CAMSAP1: variants seen among roughly 807,000 people sequenced by gnomAD.
The protein encoded by CAMSAP1 is calmodulin regulated spectrin associated protein 1, also known as calmodulin-regulated spectrin-associated protein 1.
Under a neutral mutation model 143.5 loss-of-function variants are expected in CAMSAP1, and 58 were observed. The observed-to-expected ratio is 0.40, with a 90% CI of 0.33 to 0.50. The LOEUF is 0.50. CAMSAP1 is among the 20% of genes least tolerant of loss of function. CAMSAP1 has a pLI of 0.45. For missense variants in CAMSAP1, 1,969 were observed against 2,115.7 expected (o/e 0.93, Z 1.36); for synonymous variants, 945 against 859.3 (o/e 1.10, Z -1.74).
intron 16 of CAMSAP1, among the ~76,000 whole-genome samples, chr9:135,812,747 T>C (rs1410369251): frequency 6.6e-6 from 1 of 152,170 alleles, no homozygotes; most frequent in East Asian, 1.9e-4. Flanking sequence ...GGTGGGCGAA[T>C]CACTTGAGGT....
chr9:135,892,197 C>T (rs1208292967), intron 1 of CAMSAP1, among the ~76,000 whole-genome samples: 2 of 152,100 alleles, frequency 1.3e-5, no homozygotes, highest in African/African-American at 2.4e-5. Flanking sequence ...TCAAAGAAAA[C>T]CGTGTGCAGA....
intron 7 of CAMSAP1, among the ~76,000 whole-genome samples, chr9:135,848,251 C>G (rs1447014646): frequency 1.3e-5 from 2 of 151,806 alleles, no homozygotes; most frequent in East Asian, 3.9e-4. Context: ...CAAGGTCACC[C>G]GTGAGGAAGC....
chr9:135,904,122 C>T (rs1838695704), intron 1 of CAMSAP1, among the ~76,000 whole-genome samples: 1 of 152,234 alleles, frequency 6.6e-6, no homozygotes, highest in African/African-American at 2.4e-5. Flanking sequence ...AATCCTAGCA[C>T]TTTGGGAGGC....
At chr9:135,889,235 C>A (rs1838220215) in intron 1 of CAMSAP1, among the ~76,000 whole-genome samples, 1 of 152,194 alleles carries the variant, frequency 6.6e-6, no homozygotes. Context: ...GGCCTGCAGT[C>A]TCGACGTAAC....
intron 1 of CAMSAP1, among the ~76,000 whole-genome samples, chr9:135,900,213 A>G (rs1838575671): frequency 6.6e-6 from 1 of 151,886 alleles, no homozygotes; most frequent in Admixed American, 6.6e-5. Context: ...CTTTGTAGAG[A>G]CAGTCTCACT....
At chr9:135,830,903 G>A (rs1835837931) in intron 7 of CAMSAP1, among the ~76,000 whole-genome samples, 1 of 152,212 alleles carries the variant, frequency 6.6e-6, no homozygotes, top group Non-Finnish European at 1.5e-5. Flanking sequence ...AGGCGCAGTG[G>A]CTCACGCCTG....
chr9:135,898,063 G>C (rs79297099), intron 1 of CAMSAP1, among the ~76,000 whole-genome samples: 1 of 152,178 alleles, frequency 6.6e-6, no homozygotes, highest in South Asian at 2.1e-4. Context: ...CATCAGAAAA[G>C]AGGAAAGGTC....
At chr9:135,871,948 T>C (rs764246958) in intron 3 of CAMSAP1, among the ~76,000 whole-genome samples, 24 of 151,726 alleles carry the variant, frequency 1.6e-4, no homozygotes, top group Admixed American at 9.8e-4. Context: ...ACTAAAAATA[T>C]AAAATTAGCC....
chr9:135,824,603 T>A lies in CAMSAP1; in HGVS notation c.1315+186A>T, dbSNP rs140067147. Among the ~76,000 whole-genome samples, 47 of 152,306 alleles carry A rather than the reference T, an allele frequency of 3.1e-4. No homozygotes were observed. In the East Asian group the frequency reaches 6.6e-3, roughly 21 times the overall value. On this transcript the variant is annotated intron_variant, in intron 9 of 16. Transcript: ENST00000389532. This position sits in a 1 kb window ranked among gnomAD's most constrained non-coding sequence, Gnocchi z 4.1. The stretch of plus-strand genomic sequence containing the variant: ...TTGCTTGAACCAGGGAGTCAGAGGC[T>A]GCAGTGAGCCGAGATCGCGCCACAG...
intron 1 of CAMSAP1, among the ~76,000 whole-genome samples, chr9:135,890,150 G>C (rs181104996): frequency 4.6e-5 from 7 of 152,164 alleles, no homozygotes; most frequent in African/African-American, 1.7e-4. Context: ...CACCCGCAGA[G>C]GCTCCGCATG....
At chr9:135,906,917 C>A (rs1362163896) in intron 1 of CAMSAP1, 83 bp downstream of exon 1, 1 of 808,560 alleles carries the variant, frequency 1.2e-6, no homozygotes, top group East Asian at 1.2e-4. Context: ...GCGCGCGGAC[C>A]CCGACCCGGC....
intron 1 of CAMSAP1, among the ~76,000 whole-genome samples, chr9:135,893,877 C>T (rs1170823135): frequency 6.6e-6 from 1 of 152,178 alleles, no homozygotes; most frequent in African/African-American, 2.4e-5. Flanking sequence ...CTAAGCACAA[C>T]CATAAACCCT....
At chr9:135,867,026 A>C (rs914651983) in intron 3 of CAMSAP1, among the ~76,000 whole-genome samples, 1 of 152,230 alleles carries the variant, frequency 6.6e-6, no homozygotes, top group African/African-American at 2.4e-5. Flanking sequence ...AAATTAATTC[A>C]ACTTCTTAGA....
intron 16 of CAMSAP1, among the ~76,000 whole-genome samples, chr9:135,812,883 G>A (rs952210324): frequency 2.8e-4 from 43 of 152,032 alleles, no homozygotes; most frequent in Admixed American, 2.2e-3. Context: ...TGAGTCTGGA[G>A]GGGTGGAGGT....
chr9:135,850,220 A>T lies in CAMSAP1; in HGVS notation c.962T>A (p.Val321Asp). The T allele has an allele frequency of 6.2e-7, 1 of 1,613,326 alleles. No homozygotes were observed. The highest frequency in any genetic ancestry group is 8.5e-7 in the Non-Finnish European group (1 of 1,179,626). ...APLVLKPNVMVFIAELFWWFE... is the reference protein window; with the variant it reads ...APLVLKPNVMDFIAELFWWFE... ...CCACCAAAAAAGCTCCGCAATAAAAACCATAACATTCGGCTAAAAGACAAA... is the reference window on the plus strand; with the variant it reads ...CCACCAAAAAAGCTCCGCAATAAAATCCATAACATTCGGCTAAAAGACAAA... The change falls in exon 7 of 17, where the codon GTT becomes GAT. Residue 321 changes from valine (V) to aspartate (D), a missense_variant. Physicochemically the swap from Val to Asp is radical, Grantham distance 152. Around this residue, in one of 4 missense-constraint regions of CAMSAP1, gnomAD observed 221 missense variants for 298.2 expected, o/e 0.74. Coordinates refer to ENST00000389532, the MANE Select transcript of CAMSAP1 (RefSeq NM_015447.4).
chr9:135,820,715 A>G lies in CAMSAP1; in HGVS notation c.3822+124T>C. On this transcript the variant is annotated intron_variant, in intron 11 of 16. Transcript: ENST00000389532. This position sits in a 1 kb window ranked among gnomAD's most constrained non-coding sequence, Gnocchi z 4.4. Reference sequence around the variant, plus strand: ...CTGTGGCCCACAAAGCTAAACACACACATCCCCTGGCCTCTTACAGGAGCG... The same window carrying G: ...CTGTGGCCCACAAAGCTAAACACACGCATCCCCTGGCCTCTTACAGGAGCG... 4 of 1,280,138 alleles carry G rather than the reference A, an allele frequency of 3.1e-6. No individual in the cohort carries two copies. Among genetic ancestry groups the G allele is most frequent in the Non-Finnish European group, 4.3e-6 (4 of 933,882 alleles). 79.3% of individuals were successfully genotyped at this position (1,280,138 alleles called of 1,614,324 possible).
Position 135,819,062 on chromosome 9 carries a change from C to T in CAMSAP1, c.3907G>A (p.Val1303Met), listed in dbSNP as rs375382345. 23 of 1,605,910 alleles carry T rather than the reference C, an allele frequency of 1.4e-5. No homozygotes were observed. The highest frequency in any genetic ancestry group is 2.2e-5 in the South Asian group (2 of 89,830). The change falls in exon 12 of 17, where the codon GTG (valine) becomes ATG (methionine). Residue 1303 changes from valine (V) to methionine (M), a missense_variant. This residue lies in a region of CAMSAP1 where 1,390 missense variants were observed against 1,420.8 expected (regional missense o/e 0.98). Transcript: ENST00000389532. ...KQQRKAEEAR[V>M]RKQQLEAEVE... is the part of the protein sequence containing the mutation. ...TCCGCTTCCAGCTGCTGCTTGCGCA[C>T]GCGGGCCTCCTCGGCCTTGCGCTGC...
intron 11 of CAMSAP1, 126 bp from the exon 12 acceptor site, chr9:135,819,272 T>C (rs1835354173): frequency 2.3e-6 from 3 of 1,278,292 alleles, no homozygotes; most frequent in Non-Finnish European, 2.1e-6. Flanking sequence ...CTTCTATGCT[T>C]TTCTCTAACC....
chr9:135,877,632 C>T (rs562547633), intron 3 of CAMSAP1, among the ~76,000 whole-genome samples: 3 of 151,850 alleles, frequency 2.0e-5, no homozygotes, highest in Admixed American at 6.6e-5. Flanking sequence ...ATAGTAAGAC[C>T]CCATCTCTAA....
Sources: gnomAD v4.1 joint callset for allele counts (sites outside exome capture counted in the v4.1 genomes callset) on GRCh38, gnomAD v4.1.1 for gene constraint, gnomAD v4.1.1 regional missense constraint, Gnocchi (gnomAD v3.1) non-coding constraint, MANE v1.5 for transcripts, NCBI Gene and HGNC (gene_info 2026-07-23, HGNC 2026-07-21) for gene names.